Variants in CNTN5 observed in about 807,000 individuals in gnomAD.
The protein encoded by CNTN5 is contactin-5.
Under a neutral mutation model 129.1 loss-of-function variants are expected in CNTN5, and 77 were observed. That is an observed-to-expected ratio of 0.60 (90% CI 0.50 to 0.72). The LOEUF is 0.72. Ranked by LOEUF, CNTN5 falls within the 30% of genes least tolerant of loss-of-function variation. The probability of loss-of-function intolerance (pLI) is 0.00; values close to 1 mark genes in which losing one functional copy is unlikely to be tolerated. For synonymous variants in CNTN5, 509 were observed against 465.6 expected (o/e 1.09, Z -1.20); for missense variants, 1,478 against 1,328.8 (o/e 1.11, Z -1.75).
chr11:100,246,626 T>C (rs1485972257), intron 16 of CNTN5, among the ~76,000 whole-genome samples: 1 of 152,102 alleles, frequency 6.6e-6, no homozygotes, highest in Non-Finnish European at 1.5e-5. Flanking sequence ...GAAAACAGCA[T>C]AGAAAGGTGG....
chr11:99,611,169 A>C (rs552175181), intron 3 of CNTN5, among the ~76,000 whole-genome samples: 17 of 152,216 alleles, frequency 1.1e-4, no homozygotes, highest in Non-Finnish European at 2.2e-4. Context: ...ACCTTCATAC[A>C]TCAAAAAGTT....
chr11:99,795,588 C>CTTT (rs35521565), intron 3 of CNTN5, among the ~76,000 whole-genome samples: 6,422 of 143,126 alleles, frequency 0.045, 183 homozygotes, highest in South Asian at 0.1. Context: ...TCCTTTAGAT[C>CTTT]TTTTTTTTTT....
chr11:99,408,320 C>A (rs1054067374), intron 2 of CNTN5, among the ~76,000 whole-genome samples: 1 of 148,710 alleles, frequency 6.7e-6, no homozygotes. Context: ...CCACCTCAGC[C>A]TTCTGAGTGG....
rs185249141 is a variant in CNTN5, at chr11:99,957,333, T to C, written c.877+324T>C. On this transcript the variant is annotated intron_variant, in intron 8 of 24. Transcript: ENST00000524871. ...CTCTTCAGTGCCTCTATATAACATATGTGTATGAATTGCAAGCATTTTATG... is the reference window on the plus strand; with the variant it reads ...CTCTTCAGTGCCTCTATATAACATACGTGTATGAATTGCAAGCATTTTATG... Among the ~76,000 whole-genome samples, 15 of 152,312 alleles carry C rather than the reference T, an allele frequency of 9.8e-5. No individual in the cohort carries two copies. In the South Asian group the frequency reaches 2.1e-3, roughly 21 times the overall value.
intron 3 of CNTN5, among the ~76,000 whole-genome samples, chr11:99,564,248 A>AT (rs905925277): frequency 6.6e-6 from 1 of 151,946 alleles, no homozygotes; most frequent in Non-Finnish European, 1.5e-5. Flanking sequence ...CATCAGGGTA[A>AT]TTTTTTTATT....
intron 13 of CNTN5, among the ~76,000 whole-genome samples, chr11:100,095,806 T>G (rs1164890419): frequency 6.6e-6 from 1 of 152,244 alleles, no homozygotes; most frequent in Admixed American, 6.5e-5. Flanking sequence ...AGTTTTTATC[T>G]ACACGTGTGC....
intron 3 of CNTN5, among the ~76,000 whole-genome samples, chr11:99,688,671 CAT>C (rs1953902100): frequency 2.0e-5 from 3 of 152,164 alleles, no homozygotes; most frequent in African/African-American, 7.2e-5. Context: ...CATAGGTAAA[CAT>C]GTGTCATGGT....
intron 9 of CNTN5, among the ~76,000 whole-genome samples, chr11:100,006,522 A>G (rs1356590224): frequency 6.6e-6 from 1 of 151,896 alleles, no homozygotes; most frequent in East Asian, 1.9e-4. Flanking sequence ...AACTCAAGAA[A>G]CCCCTTTCTT....
intron 1 of CNTN5, among the ~76,000 whole-genome samples, chr11:99,129,360 T>G (rs1282853980): frequency 6.6e-6 from 1 of 151,986 alleles, no homozygotes; most frequent in Non-Finnish European, 1.5e-5. Context: ...TATCACAGCT[T>G]GAAGGCCATC....
intron 4 of CNTN5, among the ~76,000 whole-genome samples, chr11:99,832,625 A>G (rs888175552): frequency 6.6e-6 from 1 of 152,188 alleles, no homozygotes; most frequent in African/African-American, 2.4e-5. Context: ...GAAGATTTGG[A>G]CAATTTTTTT....
intron 6 of CNTN5, among the ~76,000 whole-genome samples, chr11:99,876,056 A>G (rs769268558): frequency 2.0e-5 from 3 of 152,274 alleles, no homozygotes; most frequent in East Asian, 1.9e-4. Context: ...ACTACATATC[A>G]TCTCCTGCTG....
intron 1 of CNTN5, among the ~76,000 whole-genome samples, chr11:99,027,637 T>A (rs964855981): frequency 9.9e-5 from 15 of 151,678 alleles, no homozygotes; most frequent in African/African-American, 3.4e-4. Flanking sequence ...TGTTTTAGAA[T>A]GAATATATAC....
In CNTN5 at chr11:99,898,550, A is replaced by G. The variant is rs1949269872; in HGVS notation, c.578-17504A>G. On this transcript the variant is annotated intron_variant, in intron 6 of 24. Coordinates refer to ENST00000524871, the MANE Select transcript of CNTN5 (RefSeq NM_014361.4). Reference sequence around the variant, plus strand: ...CTGCTTCTTTCAACAAATATAAATTAAATGCCTATTATATTCTAGACACAG... The same window carrying G: ...CTGCTTCTTTCAACAAATATAAATTGAATGCCTATTATATTCTAGACACAG... Among the ~76,000 whole-genome samples the G allele has an allele frequency of 3.9e-5, 6 of 152,188 alleles. No individual in the cohort carries two copies. The South Asian group carries it at 1.2e-3, about 32-fold the overall frequency.
intron 3 of CNTN5, among the ~76,000 whole-genome samples, chr11:99,708,546 C>T (rs1448510370): frequency 6.6e-6 from 1 of 151,702 alleles, no homozygotes; most frequent in Non-Finnish European, 1.5e-5. Context: ...ACTTTCAAAA[C>T]TCAAATTAGA....
chr11:99,225,919 A>G (rs188993037), intron 1 of CNTN5, among the ~76,000 whole-genome samples: 2 of 152,290 alleles, frequency 1.3e-5, no homozygotes, highest in East Asian at 3.9e-4. Flanking sequence ...TCATAAATTC[A>G]TGGAAGAGAT....
chr11:99,646,995 C>T (rs1951989210), intron 3 of CNTN5, among the ~76,000 whole-genome samples: 2 of 151,950 alleles, frequency 1.3e-5, no homozygotes, highest in South Asian at 4.1e-4. Flanking sequence ...TGTCTTTTTA[C>T]TCTTGTTTCC....
chr11:99,879,253 T>A (rs1280645108), intron 6 of CNTN5, among the ~76,000 whole-genome samples: 1 of 152,034 alleles, frequency 6.6e-6, no homozygotes, highest in Non-Finnish European at 1.5e-5. Context: ...AGATAATTTC[T>A]GGTAAGTTAG....
At chr11:99,938,282 T>C (rs998461986) in intron 7 of CNTN5, among the ~76,000 whole-genome samples, 1 of 152,098 alleles carries the variant, frequency 6.6e-6, no homozygotes, top group African/African-American at 2.4e-5. Flanking sequence ...GGAAACAAAA[T>C]ACATAATTTC....
chr11:99,751,666 T>G (rs1052671519), intron 3 of CNTN5, among the ~76,000 whole-genome samples: 2 of 152,202 alleles, frequency 1.3e-5, no homozygotes, highest in African/African-American at 4.8e-5. Context: ...TGCTCTGTAA[T>G]AATATAGGCT....
Sources: gnomAD v4.1 joint callset for allele counts (sites outside exome capture counted in the v4.1 genomes callset) on GRCh38, gnomAD v4.1.1 for gene constraint, MANE v1.5 for transcripts, NCBI Gene and HGNC (gene_info 2026-07-23, HGNC 2026-07-21) for gene names.